Variants in ZMIZ2 observed in about 807,000 individuals in gnomAD.
ZMIZ2 encodes the protein zinc finger MIZ domain-containing protein 2.
Under a neutral mutation model 93.9 loss-of-function variants are expected in ZMIZ2, and 26 were observed. That is an observed-to-expected ratio of 0.28 (90% CI 0.20 to 0.38). The LOEUF (loss-of-function observed/expected upper bound fraction) is 0.38. ZMIZ2 is among the 10% of genes least tolerant of loss of function. The probability of loss-of-function intolerance (pLI) is 1.00; values close to 1 mark genes in which losing one functional copy is unlikely to be tolerated. For synonymous variants in ZMIZ2, 485 were observed against 516.4 expected (o/e 0.94, Z 0.82); for missense variants, 1,023 against 1,235.0 (o/e 0.83, Z 2.57).
rs1250135467 is a variant in ZMIZ2 at position 44,760,230 on chromosome 7, TA to T, written c.1071+3del. 1.2e-6 allele frequency: 2 copies of T among 1,610,600 alleles called. No homozygotes were observed. Among genetic ancestry groups the T allele is most frequent in the Non-Finnish European group, 1.7e-6 (2 of 1,178,418 alleles). ...TACAGCCAACCTGGCCTGAGTGGGGTAGGGGGCCTGGCCGGGAGGATGGGCC... is the reference window on the plus strand; with the variant it reads ...TACAGCCAACCTGGCCTGAGTGGGGTGGGGGCCTGGCCGGGAGGATGGGCC... On this transcript the variant is annotated splice_donor_region_variant and intron_variant, in intron 8 of 18. Transcript: ENST00000309315.
In ZMIZ2 at chr7:44,765,159, T is replaced by C; in HGVS notation, c.1997+150T>C. On this transcript the variant is annotated intron_variant, in intron 15 of 18. Coordinates refer to ENST00000309315, the MANE Select transcript of ZMIZ2 (RefSeq NM_031449.4). This position sits in a 1 kb window ranked among gnomAD's most constrained non-coding sequence, Gnocchi z 4.1. The stretch of plus-strand genomic sequence containing the variant: ...TTCCAGGCCAGAGACAGCGTGTGTG[T>C]CCTACCTGAGTGTTGGTGCTGGGCC... 4.9e-6 allele frequency: 7 copies of C among 1,437,656 alleles called. No individual in the cohort carries two copies. In the South Asian group the frequency reaches 9.0e-5, roughly 18 times the overall value. The allele number at this position is 1,437,656 out of a possible 1,614,324, so 89.1% of individuals were successfully genotyped here.
chr7:44,762,809 G>T, intron 11 of ZMIZ2, 72 bp from the exon 12 acceptor site: 1 of 1,063,796 alleles, frequency 9.4e-7, no homozygotes. Context: ...ACAACCCCCA[G>T]CACACCCTTT....
At chr7:44,757,798 G>T in intron 5 of ZMIZ2, 50 bp from the exon 6 acceptor site, 1 of 1,511,956 alleles carries the variant, frequency 6.6e-7, no homozygotes. Flanking sequence ...CTATCTTTTG[G>T]AGCCCTTTGT....
In ZMIZ2 at chr7:44,757,947, G is replaced by A. The variant is rs753166533; in HGVS notation, c.652G>A (p.Val218Ile). ...CATGAACCCTACTGGCATAGGAGGGGTAATGGGCCCCTCTGGCCTCTCCCC... is the reference window on the plus strand; with the variant it reads ...CATGAACCCTACTGGCATAGGAGGGATAATGGGCCCCTCTGGCCTCTCCCC... ...AGMNPTGIGG[V>I]MGPSGLSPLA... Residue 218 changes from valine to isoleucine, a missense_variant, in exon 6 of 19, where the codon GTA becomes ATA. Val to Ile is a conservative substitution (Grantham distance 29). Around this residue, in one of 3 missense-constraint regions of ZMIZ2, gnomAD observed 656 missense variants for 777.1 expected, o/e 0.84. Transcript: ENST00000309315. The A allele has an allele frequency of 6.2e-7, 1 of 1,612,422 alleles. No individual in the cohort carries two copies.
intron 18 of ZMIZ2, among the ~76,000 whole-genome samples, chr7:44,767,213 G>A (rs894692857): frequency 3.9e-5 from 6 of 152,180 alleles, no homozygotes; most frequent in Admixed American, 2.6e-4. Context: ...GCAGGCTGAT[G>A]CACAGAGGGA....
At position 44,764,048 on chromosome 7, in the gene ZMIZ2, G is replaced by C. The variant is rs545921131; in HGVS notation, c.1861-371G>C. Among the ~76,000 whole-genome samples, 45 of 152,354 alleles carry C rather than the reference G, an allele frequency of 3.0e-4. 1 individual carries two copies. The South Asian group carries it at 8.7e-3, about 29-fold the overall frequency. On this transcript the variant is annotated intron_variant, in intron 13 of 18. Transcript: ENST00000309315. Reference sequence around the variant, plus strand: ...AGCCACTTACGAGGCTGAGGTAGGAGAATCGCTTGAACCTGGGAGGCGGAG... The same window carrying C: ...AGCCACTTACGAGGCTGAGGTAGGACAATCGCTTGAACCTGGGAGGCGGAG...
rs879446176 is a variant in ZMIZ2 at position 44,766,455 on chromosome 7, A to G, written c.2447A>G (p.Asn816Ser). ...APAGHLDPTH[N>S]PGTPGLHTSN... ...GCAGGTCACCTGGACCCCACTCACA[A>G]TCCTGGGACACCAGGACTACACACC... Residue 816 changes from asparagine to serine, a missense_variant, in exon 18 of 19, where the codon AAT becomes AGT. Asn to Ser is a conservative substitution (Grantham distance 46). Coordinates refer to ENST00000309315, the MANE Select transcript of ZMIZ2 (RefSeq NM_031449.4). The surrounding 1 kb of genome is among the most constrained non-coding windows in gnomAD (Gnocchi z 4.4). The G allele has an allele frequency of 8.7e-6, 14 of 1,613,928 alleles. No individual in the cohort carries two copies. Among genetic ancestry groups the G allele is most frequent in the Non-Finnish European group, 1.2e-5 (14 of 1,179,978 alleles).
rs149912903 is a variant in ZMIZ2 at position 44,760,026 on chromosome 7, G to A, written c.994-125G>A. On this transcript the variant is annotated intron_variant, in intron 7 of 18. Transcript: ENST00000309315. ...ATTGCTTTAAGTAGTGTTACTTGTA[G>A]ATTATTTGGAAAATACAAGAGAGTG... The A allele has an allele frequency of 1.2e-3, 1,204 of 971,520 alleles. 10 individuals are homozygous for A. In the African/African-American group the frequency reaches 0.017, roughly 14 times the overall value. 60.2% of individuals were successfully genotyped at this position (971,520 alleles called of 1,614,324 possible).
intron 1 of ZMIZ2, among the ~76,000 whole-genome samples, chr7:44,752,462 C>A (rs78051573): frequency 6.6e-6 from 1 of 152,118 alleles, no homozygotes; most frequent in Non-Finnish European, 1.5e-5. Flanking sequence ...CTTATATTCA[C>A]GCCCACCTTC....
At position 44,768,946 on chromosome 7, in the gene ZMIZ2, A is replaced by C. The variant is rs1256341845; in HGVS notation, c.*1323A>C. On this transcript the variant is annotated 3_prime_UTR_variant, in exon 19 of 19. Coordinates refer to ENST00000309315, the MANE Select transcript of ZMIZ2 (RefSeq NM_031449.4). ...CTTCAGCTGAAGAGCTGTTTTGTGA[A>C]GCATCCCAGGCTTGCCCAGGAGAGA... The C allele has an allele frequency of 1.3e-5, 2 of 152,616 alleles. No individual in the cohort carries two copies. The highest frequency in any genetic ancestry group is 2.9e-5 in the Non-Finnish European group (2 of 68,062). The allele number at this position is 152,616 out of a possible 1,614,324, so 9.5% of individuals were successfully genotyped here.
In ZMIZ2 at chr7:44,768,031, A is replaced by C; in HGVS notation, c.*408A>C. On this transcript the variant is annotated 3_prime_UTR_variant, in exon 19 of 19. Transcript: ENST00000309315. ...ATCCTTCTGTTTCAACAACTCCTCC[A>C]CTGGGCAGAGCTGGGCATCTGGCAG... The C allele has an allele frequency of 4.0e-6, 1 of 253,052 alleles. No individual in the cohort carries two copies. The highest frequency in any genetic ancestry group is 5.1e-5 in the Admixed American group (1 of 19,718). The allele number at this position is 253,052 out of a possible 1,614,324, so 15.7% of individuals were successfully genotyped here.
chr7:44,763,470 C>G lies in ZMIZ2; in HGVS notation c.1860+57C>G, dbSNP rs535741503. On this transcript the variant is annotated intron_variant, in intron 13 of 18. Coordinates refer to ENST00000309315, the MANE Select transcript of ZMIZ2 (RefSeq NM_031449.4). The surrounding 1 kb of genome is among the most constrained non-coding windows in gnomAD (Gnocchi z 5.6). The stretch of plus-strand genomic sequence containing the variant: ...TTGCTGCTGCTAAAATATCTTGAGT[C>G]GATACATCAGTGTCATTCTCTGGAC... 1.1e-5 allele frequency: 17 copies of G among 1,599,786 alleles called. No homozygotes were observed. Among genetic ancestry groups the G allele is most frequent in the Admixed American group, 1.7e-5 (1 of 59,530 alleles).
chr7:44,764,905 A>T (rs776131348), intron 14 of ZMIZ2, 36 bp from the exon 15 acceptor site: 1 of 1,612,106 alleles, frequency 6.2e-7, no homozygotes. Flanking sequence ...AGGGTTGTGC[A>T]AGGTCTCTGA....
intron 3 of ZMIZ2, 37 bp from the exon 4 acceptor site, chr7:44,756,910 T>C (rs768647070): frequency 3.7e-6 from 6 of 1,609,078 alleles, no homozygotes; most frequent in Admixed American, 1.7e-5. Context: ...GCACGTTGTT[T>C]GGCTGGTTCC....
At chr7:44,752,027 T>G (rs1790194977) in intron 1 of ZMIZ2, among the ~76,000 whole-genome samples, 1 of 152,236 alleles carries the variant, frequency 6.6e-6, no homozygotes, top group Admixed American at 6.5e-5. Context: ...AGATTTATTC[T>G]GTCCTTTACC....
chr7:44,769,161 G>C lies in ZMIZ2; in HGVS notation c.*1538G>C, dbSNP rs1791971864. ...CCTGTCCAGCTTGGTGGGGGTCCGGGTCACCATTTCCTCCAGTCCTGGGCC... is the reference window on the plus strand; with the variant it reads ...CCTGTCCAGCTTGGTGGGGGTCCGGCTCACCATTTCCTCCAGTCCTGGGCC... On this transcript the variant is annotated 3_prime_UTR_variant, in exon 19 of 19. Transcript: ENST00000309315. The C allele has an allele frequency of 6.5e-6, 1 of 152,784 alleles. No individual in the cohort carries two copies. The highest frequency in any genetic ancestry group is 1.5e-5 in the Non-Finnish European group (1 of 68,214). 9.5% of individuals were successfully genotyped at this position (152,784 alleles called of 1,614,324 possible). A position where few individuals can be genotyped will look rare whatever the true frequency, so the allele number is the denominator to read the frequency against.
intron 11 of ZMIZ2, among the ~76,000 whole-genome samples, chr7:44,762,474 C>T (rs921943415): frequency 5.3e-5 from 8 of 152,164 alleles, no homozygotes; most frequent in South Asian, 4.1e-4. Context: ...GCCTTGGGGA[C>T]GGGTTGGCCA....
chr7:44,760,227 G>T lies in ZMIZ2; in HGVS notation c.1070G>T (p.Gly357Val). ...AGCTACAGCCAACCTGGCCTGAGTG[G>T]GGTAGGGGGCCTGGCCGGGAGGATG... is the stretch of plus-strand genomic sequence containing the variant. ...SVSYSQPGLS[G>V]PTRSIPGYPS... is the part of the protein sequence containing the mutation. Residue 357 changes from glycine to valine, a missense_variant and splice_region_variant, in exon 8 of 19, where the codon GGG becomes GTG. Transcript: ENST00000309315. The T allele has an allele frequency of 6.2e-7, 1 of 1,611,652 alleles. No individual in the cohort carries two copies.
rs763052316 is a variant in ZMIZ2 at position 44,766,090 on chromosome 7, A to G, written c.2243-74A>G. On this transcript the variant is annotated intron_variant, in intron 16 of 18. Coordinates refer to ENST00000309315, the MANE Select transcript of ZMIZ2 (RefSeq NM_031449.4). The surrounding 1 kb of genome is among the most constrained non-coding windows in gnomAD (Gnocchi z 4.4). The stretch of plus-strand genomic sequence containing the variant: ...TGCAAGTCCCACCCATGCCACAGCC[A>G]GCCTCCCTCCTGGCTCCTCTGCCAG... The G allele has an allele frequency of 6.0e-6, 9 of 1,507,598 alleles. No individual in the cohort carries two copies. The allele number at this position is 1,507,598 out of a possible 1,614,324, so 93.4% of individuals were successfully genotyped here.
Sources: allele counts gnomAD v4.1 joint callset (sites outside exome capture counted in the v4.1 genomes callset), GRCh38; gene constraint gnomAD v4.1.1; regional missense constraint gnomAD v4.1.1; non-coding constraint Gnocchi (gnomAD v3.1); transcripts MANE v1.5; gene names NCBI Gene and HGNC (gene_info 2026-07-23, HGNC 2026-07-21).